PPP1R17: variants seen among roughly 807,000 people sequenced by gnomAD.
PPP1R17 encodes G-substrate.
In PPP1R17, 12 loss-of-function variants were observed where a neutral mutation model predicts 15.9. The ratio of observed to expected loss-of-function variants is 0.75; its 90% CI spans 0.48 to 1.22. PPP1R17 has a LOEUF of 1.22. PPP1R17 is among the 50% of genes most tolerant of loss of function. PPP1R17 has a pLI of 0.00. For synonymous variants in PPP1R17, 63 were observed against 64.5 expected (o/e 0.98, Z 0.11); for missense variants, 211 against 187.3 (o/e 1.13, Z -0.74).
rs1035021177 is a variant in PPP1R17, at chr7:31,708,017, G to A, written c.*734G>A. The A allele has an allele frequency of 1.3e-5, 2 of 152,212 alleles. No individual in the cohort carries two copies. Among genetic ancestry groups the A allele is most frequent in the African/African-American group, 4.8e-5 (2 of 41,460 alleles). 9.4% of individuals were successfully genotyped at this position (152,212 alleles called of 1,614,324 possible). A position where few individuals can be genotyped will look rare whatever the true frequency, so the allele number is the denominator to read the frequency against. The stretch of plus-strand genomic sequence containing the variant: ...CCAACATTTGTGAGTTGTGTCACAA[G>A]TGAGTCATTATCAATGGTAGATAAA... On this transcript the variant is annotated 3_prime_UTR_variant, in exon 5 of 5. Coordinates refer to ENST00000342032, the MANE Select transcript of PPP1R17 (RefSeq NM_006658.5).
chr7:31,697,626 TAC>T (rs151263032), intron 4 of PPP1R17, among the ~76,000 whole-genome samples: 2,657 of 152,302 alleles, frequency 0.017, 93 homozygotes, highest in African/African-American at 0.06. Context: ...CTCTGTGAGA[TAC>T]AGTCCTTGTC....
At position 31,695,621 on chromosome 7, in the gene PPP1R17, G is replaced by C; in HGVS notation, c.235G>C (p.Gly79Arg). 6.2e-7 allele frequency: 1 copy of C among 1,610,978 alleles called. No individual in the cohort carries two copies. The highest frequency in any genetic ancestry group is 8.5e-7 in the Non-Finnish European group (1 of 1,179,028). ...PALHIPPFIP[G>R]VFSEHLIKRY... ...GCTGCACATCCCACCTTTCATACCAGGTAATGGACAAAGTCATCTGCACAG... is the reference window on the plus strand; with the variant it reads ...GCTGCACATCCCACCTTTCATACCACGTAATGGACAAAGTCATCTGCACAG... Residue 79 changes from glycine to arginine, a missense_variant and splice_region_variant, in exon 3 of 5, where the codon GGT becomes CGT. By Grantham distance (125) the Gly-to-Arg change is moderately radical. Coordinates refer to ENST00000342032, the MANE Select transcript of PPP1R17 (RefSeq NM_006658.5).
intron 4 of PPP1R17, among the ~76,000 whole-genome samples, chr7:31,702,128 T>A (rs1167421181): frequency 6.6e-6 from 1 of 152,194 alleles, no homozygotes; most frequent in Non-Finnish European, 1.5e-5. Flanking sequence ...AGTTTAGTCA[T>A]TCTACAGGTT....
At chr7:31,697,332 G>T (rs1792631984) in intron 4 of PPP1R17, among the ~76,000 whole-genome samples, 1 of 152,170 alleles carries the variant, frequency 6.6e-6, no homozygotes, top group African/African-American at 2.4e-5. Context: ...AAGGGTCAGA[G>T]CATTACTCAT....
chr7:31,694,415 C>CACACAG (rs1030237324), intron 2 of PPP1R17, among the ~76,000 whole-genome samples: 5 of 151,652 alleles, frequency 3.3e-5, no homozygotes, highest in African/African-American at 1.2e-4. Flanking sequence ...CACACACACA[C>CACACAG]AGATTTAATA....
intron 4 of PPP1R17, among the ~76,000 whole-genome samples, chr7:31,705,756 G>T (rs1418859373): frequency 6.6e-6 from 1 of 152,024 alleles, no homozygotes; most frequent in Admixed American, 6.6e-5. Context: ...GTCTCATTAT[G>T]AGAAGGAAGG....
intron 4 of PPP1R17, among the ~76,000 whole-genome samples, chr7:31,702,502 G>C (rs1792893834): frequency 6.6e-6 from 1 of 152,168 alleles, no homozygotes; most frequent in African/African-American, 2.4e-5. Flanking sequence ...CCTTTCAGTA[G>C]TCAGCCAGCT....
At chr7:31,700,377 CAG>C (rs1204977945) in intron 4 of PPP1R17, among the ~76,000 whole-genome samples, 1 of 152,120 alleles carries the variant, frequency 6.6e-6, no homozygotes, top group Non-Finnish European at 1.5e-5. Flanking sequence ...TTACTCTCTT[CAG>C]TTATATGAAG....
intron 1 of PPP1R17, among the ~76,000 whole-genome samples, chr7:31,689,228 G>C (rs1018601296): frequency 1.3e-5 from 2 of 152,182 alleles, no homozygotes; most frequent in Non-Finnish European, 2.9e-5. Context: ...GAACCAATAA[G>C]TGGAAAGAGG....
intron 4 of PPP1R17, among the ~76,000 whole-genome samples, chr7:31,699,960 T>TCTCTCC (rs1288379284): frequency 1.3e-5 from 2 of 152,008 alleles, no homozygotes; most frequent in Non-Finnish European, 2.9e-5. Context: ...TTCCCCTATC[T>TCTCTCC]CTCTCCCTCT....
chr7:31,698,164 T>C (rs918395512), intron 4 of PPP1R17, among the ~76,000 whole-genome samples: 2 of 152,204 alleles, frequency 1.3e-5, no homozygotes, highest in African/African-American at 4.8e-5. Flanking sequence ...AAAATTTGGC[T>C]GTTGTTATAA....
chr7:31,688,261 A>G (rs1792189912), intron 1 of PPP1R17, among the ~76,000 whole-genome samples: 1 of 152,248 alleles, frequency 6.6e-6, no homozygotes, highest in Admixed American at 6.5e-5. Context: ...TTGAGAGAAC[A>G]GATAACTGTC....
chr7:31,689,969 T>TA (rs1792270940), intron 1 of PPP1R17, among the ~76,000 whole-genome samples: 1 of 152,188 alleles, frequency 6.6e-6, no homozygotes, highest in African/African-American at 2.4e-5. Flanking sequence ...GTTTCTCCCA[T>TA]AGACAAGATG....
In PPP1R17 at chr7:31,693,025, A is replaced by G. The variant is rs564902552; in HGVS notation, c.82+502A>G. Among the ~76,000 whole-genome samples, 12 of 148,404 alleles carry G rather than the reference A, an allele frequency of 8.1e-5. No homozygotes were observed. The South Asian group carries it at 8.8e-4, about 11-fold the overall frequency. ...GCATAACCTTTGTAATGAAAATACC[A>G]GAAACATTTCTGCCGCTACCCATTT... On this transcript the variant is annotated intron_variant, in intron 2 of 4. Coordinates refer to ENST00000342032, the MANE Select transcript of PPP1R17 (RefSeq NM_006658.5).
intron 4 of PPP1R17, among the ~76,000 whole-genome samples, chr7:31,697,729 T>C (rs1026977994): frequency 9.9e-5 from 15 of 152,178 alleles, no homozygotes; most frequent in African/African-American, 3.6e-4. Flanking sequence ...CAGATTGTTG[T>C]GTTGGGGAAG....
chr7:31,692,544 G>C, intron 2 of PPP1R17, 21 bp downstream of exon 2: 1 of 1,568,806 alleles, frequency 6.4e-7, no homozygotes, highest in Non-Finnish European at 8.8e-7. Context: ...GATCGATTGT[G>C]AATGTCAGTG....
At chr7:31,690,564 A>G (rs1413624743) in intron 1 of PPP1R17, among the ~76,000 whole-genome samples, 3 of 152,216 alleles carry the variant, frequency 2.0e-5, no homozygotes, top group Non-Finnish European at 4.4e-5. Context: ...AGATTTAGCA[A>G]CTTCATCGAA....
At chr7:31,706,493 A>G (rs1466517374) in intron 4 of PPP1R17, among the ~76,000 whole-genome samples, 1 of 152,226 alleles carries the variant, frequency 6.6e-6, no homozygotes, top group Non-Finnish European at 1.5e-5. Context: ...GTGAAGGCAT[A>G]CAGTTGTATG....
At position 31,707,254 on chromosome 7, in the gene PPP1R17, G is replaced by A. The variant is rs147297649; in HGVS notation, c.439G>A (p.Glu147Lys). The A allele has an allele frequency of 1.0e-4, 168 of 1,613,944 alleles. No individual in the cohort carries two copies. In the African/African-American group the frequency reaches 1.6e-3, roughly 15 times the overall value. The change falls in exon 5 of 5, where the codon GAA (glutamate) becomes AAA (lysine). Residue 147 changes from glutamate (E) to lysine (K), a missense_variant. Transcript: ENST00000342032. ...ERPKAIVEDD[E>K]KDGDKIAI ...ACCCAAAGCAATCGTGGAAGATGACGAAAAGGATGGTGACAAGATAGCTAT... is the reference window on the plus strand; with the variant it reads ...ACCCAAAGCAATCGTGGAAGATGACAAAAAGGATGGTGACAAGATAGCTAT...
Sources: allele counts gnomAD v4.1 joint callset (sites outside exome capture counted in the v4.1 genomes callset), GRCh38; gene constraint gnomAD v4.1.1; transcripts MANE v1.5; gene names NCBI Gene and HGNC (gene_info 2026-07-23, HGNC 2026-07-21).